The following PPP3R1 variants were observed in gnomAD, a reference collection of about 807,000 sequenced individuals.
The protein encoded by PPP3R1 is protein phosphatase 3 regulatory subunit B, alpha, also known as calcineurin subunit B type 1.
PPP3R1 carries 5 observed loss-of-function variants against 22.6 expected under a neutral mutation model. The ratio of observed to expected loss-of-function variants is 0.22; its 90% CI spans 0.12 to 0.46. PPP3R1 has a LOEUF of 0.46. Ranked by LOEUF, PPP3R1 falls within the 20% of genes least tolerant of loss-of-function variation. PPP3R1 has a pLI of 0.99. For missense variants in PPP3R1, 61 were observed against 203.2 expected (o/e 0.30, Z 4.25); for synonymous variants, 56 against 65.2 (o/e 0.86, Z 0.68).
Position 68,202,841 on chromosome 2 carries a change from C to T in PPP3R1, c.44-14151G>A, listed in dbSNP as rs577358582. 2.5e-4 allele frequency among the ~76,000 whole-genome samples: 29 copies of T among 116,664 alleles called. 1 individual carries two copies. Among genetic ancestry groups the T allele is most frequent in the Middle Eastern group, 7.9e-3 (1 of 126 alleles). 76.5% of individuals were successfully genotyped at this position (116,664 alleles called of 152,430 possible). Reference sequence around the variant, plus strand: ...TTTTTGAGACGGAGTCTCGCTCTGTCGCCCAGGCTGGAGTGCAGTGGCATG... The same window carrying T: ...TTTTTGAGACGGAGTCTCGCTCTGTTGCCCAGGCTGGAGTGCAGTGGCATG... On this transcript the variant is annotated intron_variant, in intron 2 of 5. Coordinates refer to ENST00000234310, the MANE Select transcript of PPP3R1 (RefSeq NM_000945.4).
chr2:68,188,414 C>T, intron 3 of PPP3R1, 100 bp downstream of exon 3: 1 of 973,152 alleles, frequency 1.0e-6, no homozygotes, highest in Non-Finnish European at 1.5e-6. Context: ...ATTGTAAGGT[C>T]ACTAGGAATA....
chr2:68,181,834 G>A lies in PPP3R1; in HGVS notation c.466-824C>T, dbSNP rs377099817. On this transcript the variant is annotated intron_variant, in intron 5 of 5. Transcript: ENST00000234310. ...AAGTACCAAGTGAATAAACATGTCTGTATATTATTTTTCTGTAGAGTCAAA... is the reference window on the plus strand; with the variant it reads ...AAGTACCAAGTGAATAAACATGTCTATATATTATTTTTCTGTAGAGTCAAA... Among the ~76,000 whole-genome samples the A allele has an allele frequency of 2.6e-5, 4 of 152,032 alleles. No individual in the cohort carries two copies. In the East Asian group the frequency reaches 7.7e-4, roughly 29 times the overall value.
At chr2:68,197,859 G>A (rs559518201) in intron 2 of PPP3R1, among the ~76,000 whole-genome samples, 3 of 151,424 alleles carry the variant, frequency 2.0e-5, no homozygotes, top group East Asian at 3.9e-4. Context: ...TGTTTTGTGT[G>A]TACTAAAAGT....
At chr2:68,251,780 GAGA>G (rs1197796225) in intron 1 of PPP3R1, among the ~76,000 whole-genome samples, 5 of 151,474 alleles carry the variant, frequency 3.3e-5, no homozygotes, top group Non-Finnish European at 7.4e-5. Flanking sequence ...GGAGGGTCGC[GAGA>G]AGGAGAGTGC....
chr2:68,206,061 G>A (rs1434536981), intron 2 of PPP3R1, among the ~76,000 whole-genome samples: 1 of 151,702 alleles, frequency 6.6e-6, no homozygotes, highest in East Asian at 1.9e-4. Flanking sequence ...CAGGTGATCC[G>A]CCCGCCTCGG....
At chr2:68,195,147 G>C (rs770771815) in intron 2 of PPP3R1, among the ~76,000 whole-genome samples, 3 of 151,966 alleles carry the variant, frequency 2.0e-5, no homozygotes, top group Non-Finnish European at 4.4e-5. Context: ...TTGGCTGAGG[G>C]GTATTCAAGA....
chr2:68,201,136 A>C (rs1674967455), intron 2 of PPP3R1, among the ~76,000 whole-genome samples: 1 of 152,228 alleles, frequency 6.6e-6, no homozygotes, highest in African/African-American at 2.4e-5. Context: ...CCATCCCATT[A>C]CATCACATTT....
chr2:68,195,792 C>G (rs1674754225), intron 2 of PPP3R1, among the ~76,000 whole-genome samples: 1 of 152,052 alleles, frequency 6.6e-6, no homozygotes, highest in Admixed American at 6.6e-5. Flanking sequence ...GAATTAAAAT[C>G]CAATACTATC....
chr2:68,237,127 A>G (rs1374876106), intron 1 of PPP3R1, among the ~76,000 whole-genome samples: 3 of 152,256 alleles, frequency 2.0e-5, no homozygotes, highest in East Asian at 3.9e-4. Context: ...CTTGTAGCCA[A>G]AAATATCCTG....
Position 68,179,316 on chromosome 2 carries a change from T to A in PPP3R1, c.*1647A>T, listed in dbSNP as rs569203346. 1 of 152,750 alleles carries A rather than the reference T, an allele frequency of 6.5e-6. No homozygotes were observed. Among genetic ancestry groups the A allele is most frequent in the Non-Finnish European group, 1.5e-5 (1 of 68,022 alleles). 9.5% of individuals were successfully genotyped at this position (152,750 alleles called of 1,614,324 possible). On this transcript the variant is annotated 3_prime_UTR_variant, in exon 6 of 6. Coordinates refer to ENST00000234310, the MANE Select transcript of PPP3R1 (RefSeq NM_000945.4). The stretch of plus-strand genomic sequence containing the variant: ...TCTGAACATTAACATTTCCAAAGTT[T>A]GGCAACATTATCTTTTAAAATTATG...
intron 2 of PPP3R1, among the ~76,000 whole-genome samples, chr2:68,210,268 A>G (rs1435893568): frequency 2.6e-5 from 4 of 152,190 alleles, no homozygotes; most frequent in Middle Eastern, 3.2e-3. Context: ...CTCTCAATTA[A>G]CATAAGCTCC....
At chr2:68,202,790 G>A (rs1232792571) in intron 2 of PPP3R1, among the ~76,000 whole-genome samples, 1 of 115,570 alleles carries the variant, frequency 8.7e-6, no homozygotes, top group East Asian at 2.5e-4. Flanking sequence ...AGAGTTCAGG[G>A]AATTTTTTTT....
chr2:68,243,938 A>C (rs1367194592), intron 1 of PPP3R1, among the ~76,000 whole-genome samples: 1 of 152,106 alleles, frequency 6.6e-6, no homozygotes, highest in African/African-American at 2.4e-5. Flanking sequence ...CCACACAAAA[A>C]ACTCTTCGAA....
chr2:68,206,393 T>C (rs1389357510), intron 2 of PPP3R1, among the ~76,000 whole-genome samples: 1 of 152,158 alleles, frequency 6.6e-6, no homozygotes, highest in Non-Finnish European at 1.5e-5. Flanking sequence ...GTTTCTCTTG[T>C]GGCAGGCAGA....
intron 1 of PPP3R1, among the ~76,000 whole-genome samples, chr2:68,228,722 A>G (rs1669831590): frequency 6.6e-6 from 1 of 151,096 alleles, no homozygotes; most frequent in Non-Finnish European, 1.5e-5. Flanking sequence ...TTGAAGTGGG[A>G]GCTTAGATTA....
At chr2:68,224,754 AAC>A (rs200622446) in intron 1 of PPP3R1, among the ~76,000 whole-genome samples, 4 of 152,056 alleles carry the variant, frequency 2.6e-5, no homozygotes, top group South Asian at 2.1e-4. Flanking sequence ...GAATAAAGTA[AAC>A]ACACACACAC....
At chr2:68,204,235 G>T (rs995378319) in intron 2 of PPP3R1, among the ~76,000 whole-genome samples, 1 of 151,832 alleles carries the variant, frequency 6.6e-6, no homozygotes, top group Non-Finnish European at 1.5e-5. Flanking sequence ...GTCCAGAGAG[G>T]TTAGCCAACA....
intron 1 of PPP3R1, among the ~76,000 whole-genome samples, chr2:68,237,686 A>G (rs968788484): frequency 1.3e-5 from 2 of 152,140 alleles, no homozygotes; most frequent in African/African-American, 4.8e-5. Flanking sequence ...ACTTACTATA[A>G]TATTTCCCTC....
At chr2:68,212,490 C>T (rs1185856734) in intron 2 of PPP3R1, among the ~76,000 whole-genome samples, 2 of 152,134 alleles carry the variant, frequency 1.3e-5, no homozygotes, top group Non-Finnish European at 2.9e-5. Flanking sequence ...ACTGGAAAGT[C>T]GAAATTACTC....
Sources: allele counts gnomAD v4.1 joint callset (sites outside exome capture counted in the v4.1 genomes callset), GRCh38; gene constraint gnomAD v4.1.1; transcripts MANE v1.5; gene names NCBI Gene and HGNC (gene_info 2026-07-23, HGNC 2026-07-21).